The following HSF1 variants were observed in gnomAD, a reference collection of about 807,000 sequenced individuals.
The protein encoded by HSF1 is heat shock transcription factor 1, also known as heat shock factor protein 1.
A neutral mutation model predicts 51.7 loss-of-function variants in HSF1; 32 were observed. The observed-to-expected ratio is 0.62, with a 90% CI of 0.47 to 0.83. The LOEUF (loss-of-function observed/expected upper bound fraction) is 0.83, where lower values mean the gene tolerates loss of function less well. Among genes scored for constraint, HSF1 ranks in the 40% least tolerant of loss-of-function variants. The pLI, the probability that HSF1 is intolerant of heterozygous loss-of-function variation, is 0.00. For synonymous variants in HSF1, 396 were observed against 309.7 expected (o/e 1.28, Z -2.92); for missense variants, 727 against 717.0 (o/e 1.01, Z -0.16).
Position 144,307,813 on chromosome 8 carries a change from C to A in HSF1, c.118-1093C>A, listed in dbSNP as rs550109000. On this transcript the variant is annotated intron_variant, in intron 1 of 12. Coordinates refer to ENST00000528838, the MANE Select transcript of HSF1 (RefSeq NM_005526.4). ...AGAAAAAAAAAAAGTTCACAAAGCC[C>A]ACTGTTCTTACTAAGATTCAGCTGT... Among the ~76,000 whole-genome samples, 29 of 152,280 alleles carry A rather than the reference C, an allele frequency of 1.9e-4. No individual in the cohort carries two copies. In the South Asian group the frequency reaches 5.0e-3, roughly 26 times the overall value.
In HSF1 at chr8:144,297,667, G is replaced by A. The variant is rs1473997452; in HGVS notation, c.117+5793G>A. On this transcript the variant is annotated intron_variant, in intron 1 of 12. Transcript: ENST00000528838. The surrounding 1 kb of genome is among the most constrained non-coding windows in gnomAD (Gnocchi z 4.6). ...GTGGGCCACAGCTACTCACACACGC[G>A]CTCCCTTTGCTCCTAAAGCCTATAC... Among the ~76,000 whole-genome samples the A allele has an allele frequency of 2.0e-5, 3 of 152,078 alleles. No individual in the cohort carries two copies. Among genetic ancestry groups the A allele is most frequent in the African/African-American group, 4.8e-5 (2 of 41,402 alleles).
chr8:144,304,573 C>G (rs980136450), intron 1 of HSF1, among the ~76,000 whole-genome samples: 1 of 152,192 alleles, frequency 6.6e-6, no homozygotes, highest in East Asian at 1.9e-4. Flanking sequence ...AGTAACTACA[C>G]CCGGCCAATA....
intron 9 of HSF1, 115 bp from the exon 10 acceptor site, chr8:144,313,396 C>T (rs558562066): frequency 5.9e-4 from 407 of 690,824 alleles, no homozygotes; most frequent in Admixed American, 1.0e-3. Flanking sequence ...CCTGTGCAGG[C>T]GTACACGGGG....
chr8:144,297,458 GGAAGC>G lies in HSF1; in HGVS notation c.117+5585_117+5589del. Among the ~76,000 whole-genome samples, 1 of 152,218 alleles carries G rather than the reference GGAAGC, an allele frequency of 6.6e-6. No individual in the cohort carries two copies. Among genetic ancestry groups the G allele is most frequent in the African/African-American group, 2.4e-5 (1 of 41,452 alleles). Reference sequence around the variant, plus strand: ...GGTCCTTGTGTGGCGAGAACACGCTGGAAGCTCCTCCAGAGCGGAAACAAGAAGAG... The same window carrying G: ...GGTCCTTGTGTGGCGAGAACACGCTGTCCTCCAGAGCGGAAACAAGAAGAG... On this transcript the variant is annotated intron_variant, in intron 1 of 12. Coordinates refer to ENST00000528838, the MANE Select transcript of HSF1 (RefSeq NM_005526.4). This position sits in a 1 kb window ranked among gnomAD's most constrained non-coding sequence, Gnocchi z 4.6.
intron 1 of HSF1, among the ~76,000 whole-genome samples, chr8:144,305,687 C>T (rs1816165740): frequency 6.7e-6 from 1 of 149,170 alleles, no homozygotes; most frequent in African/African-American, 2.5e-5. Flanking sequence ...ACTCCTTCTT[C>T]TCCTAGTCAG....
intron 1 of HSF1, among the ~76,000 whole-genome samples, chr8:144,305,149 G>A (rs1816130166): frequency 2.0e-5 from 3 of 151,826 alleles, no homozygotes; most frequent in African/African-American, 7.3e-5. Flanking sequence ...GTTTCCCCAT[G>A]TTGGCCAGGC....
chr8:144,308,159 C>A (rs1816344853), intron 1 of HSF1, among the ~76,000 whole-genome samples: 1 of 152,236 alleles, frequency 6.6e-6, no homozygotes. Context: ...CCGCCCCTTC[C>A]TATGCAGACA....
At chr8:144,300,453 G>C (rs1249378795) in intron 1 of HSF1, among the ~76,000 whole-genome samples, 2 of 151,928 alleles carry the variant, frequency 1.3e-5, no homozygotes, top group Non-Finnish European at 2.9e-5. Flanking sequence ...TCCTGACCTC[G>C]TGATCCGCCC....
chr8:144,307,095 C>T (rs1816273171), intron 1 of HSF1, among the ~76,000 whole-genome samples: 1 of 152,208 alleles, frequency 6.6e-6, no homozygotes, highest in Non-Finnish European at 1.5e-5. Context: ...TACACGGCTG[C>T]GAGATGTCCT....
intron 1 of HSF1, among the ~76,000 whole-genome samples, chr8:144,304,647 T>G (rs1816097343): frequency 1.3e-5 from 2 of 152,026 alleles, no homozygotes; most frequent in African/African-American, 4.8e-5. Flanking sequence ...TTGGTTTGTT[T>G]TTGTTTCTGT....
chr8:144,295,017 G>T (rs1200487815), intron 1 of HSF1, among the ~76,000 whole-genome samples: 1 of 152,158 alleles, frequency 6.6e-6, no homozygotes, highest in East Asian at 1.9e-4. Flanking sequence ...GGGGTTGGGG[G>T]ACTGAATACC....
In HSF1 at chr8:144,314,356, GCCCACC is replaced by G; in HGVS notation, c.*37_*42del. ...AGGCCCCGGAGGAGCTGGGCCAGCC[GCCCACC>G]CCCACCCCCAGTGCAGGGCTGGTCT... is the stretch of plus-strand genomic sequence containing the variant. On this transcript the variant is annotated 3_prime_UTR_variant, in exon 13 of 13. Transcript: ENST00000528838. The G allele has an allele frequency of 1.3e-6, 2 of 1,527,864 alleles. No individual in the cohort carries two copies. Among genetic ancestry groups the G allele is most frequent in the Non-Finnish European group, 1.8e-6 (2 of 1,128,292 alleles). The allele number at this position is 1,527,864 out of a possible 1,614,324, so 94.6% of individuals were successfully genotyped here.
chr8:144,310,821 T>C, intron 4 of HSF1: 1 of 338,356 alleles, frequency 3.0e-6, no homozygotes, highest in Non-Finnish European at 5.6e-6. Context: ...ACCTGGCTGC[T>C]CAGGCCTTGG....
rs782052884 is a variant in HSF1, at chr8:144,311,946, G to GC, written c.861-11dup. On this transcript the variant is annotated splice_polypyrimidine_tract_variant and intron_variant, in intron 8 of 12. Coordinates refer to ENST00000528838, the MANE Select transcript of HSF1 (RefSeq NM_005526.4). Reference sequence around the variant, plus strand: ...GCTGGCCGAGACGCCAGCTCACCTGGCCCCCCTCGTGTGCAGGCCCCTATC... The same window carrying GC: ...GCTGGCCGAGACGCCAGCTCACCTGGCCCCCCCTCGTGTGCAGGCCCCTATC... 4 of 1,579,958 alleles carry GC rather than the reference G, an allele frequency of 2.5e-6. No individual in the cohort carries two copies. Among genetic ancestry groups the GC allele is most frequent in the African/African-American group, 2.7e-5 (2 of 74,258 alleles).
In HSF1 at chr8:144,297,072, G is replaced by T. The variant is rs966965906; in HGVS notation, c.117+5198G>T. ...CTCAGTCCTTTATTGAGGGACCAGG[G>T]ATGGACAGCCTGGCCCTGAAAGTCT... On this transcript the variant is annotated intron_variant, in intron 1 of 12. Coordinates refer to ENST00000528838, the MANE Select transcript of HSF1 (RefSeq NM_005526.4). This position sits in a 1 kb window ranked among gnomAD's most constrained non-coding sequence, Gnocchi z 4.6. 5.3e-5 allele frequency among the ~76,000 whole-genome samples: 8 copies of T among 152,294 alleles called. No homozygotes were observed. Among genetic ancestry groups the T allele is most frequent in the African/African-American group, 1.4e-4 (6 of 41,554 alleles).
intron 1 of HSF1, among the ~76,000 whole-genome samples, chr8:144,292,117 G>T (rs1402544035): frequency 6.6e-6 from 1 of 152,238 alleles, no homozygotes; most frequent in African/African-American, 2.4e-5. Flanking sequence ...AAGTTTCCCT[G>T]GGATGGGGAG....
chr8:144,311,441 T>TG, intron 6 of HSF1, 59 bp downstream of exon 6: 1 of 1,611,946 alleles, frequency 6.2e-7, no homozygotes. Flanking sequence ...CCCCCTTCTC[T>TG]GTCAGCTGTG....
rs782698760 is a variant in HSF1, at chr8:144,311,847, C to A, written c.860+11C>A. ...GAGCATAGACGAGAGGTGGGGGCCG[C>A]ATCACCCCAGCCATCCTGTCCCCCA... On this transcript the variant is annotated intron_variant, in intron 8 of 12. Coordinates refer to ENST00000528838, the MANE Select transcript of HSF1 (RefSeq NM_005526.4). The A allele has an allele frequency of 6.3e-7, 1 of 1,596,284 alleles. No homozygotes were observed. The highest frequency in any genetic ancestry group is 8.5e-7 in the Non-Finnish European group (1 of 1,172,068).
rs2130467266 is a variant in HSF1 at position 144,313,573 on chromosome 8, T to G, written c.1205T>G (p.Leu402Arg). ...DSNLDNLQTM[L>R]SSHGFSVDTS... ...AACCTGGATAACCTGCAGACCATGC[T>G]GAGCAGCCACGGCTTCAGCGTGGAC... Residue 402 changes from leucine (L) to arginine (R), a missense_variant, in exon 10 of 13, where the codon CTG (leucine) becomes CGG (arginine). By Grantham distance (102) the Leu-to-Arg change is moderately radical. Transcript: ENST00000528838. 6.2e-7 allele frequency: 1 copy of G among 1,611,636 alleles called. No homozygotes were observed. The highest frequency in any genetic ancestry group is 2.2e-5 in the East Asian group (1 of 44,820).
Sources: gnomAD v4.1 joint callset for allele counts (sites outside exome capture counted in the v4.1 genomes callset) on GRCh38, gnomAD v4.1.1 for gene constraint, Gnocchi (gnomAD v3.1) non-coding constraint, MANE v1.5 for transcripts, NCBI Gene and HGNC (gene_info 2026-07-23, HGNC 2026-07-21) for gene names.